ZBTB7C: variants seen among roughly 807,000 people sequenced by gnomAD.
ZBTB7C encodes the protein zinc finger and BTB domain-containing protein 7C.
A neutral mutation model predicts 25.7 loss-of-function variants in ZBTB7C; 8 were observed. The observed-to-expected ratio is 0.31, with a 90% CI of 0.18 to 0.56. The LOEUF is 0.56. ZBTB7C is among the 20% of genes least tolerant of loss of function. ZBTB7C has a pLI of 0.91. For synonymous variants in ZBTB7C, 394 were observed against 369.0 expected (o/e 1.07, Z -0.78); for missense variants, 824 against 855.2 (o/e 0.96, Z 0.46).
At chr18:48,196,128 G>A (rs754293847) in intron 2 of ZBTB7C, among the ~76,000 whole-genome samples, 13 of 152,142 alleles carry the variant, frequency 8.5e-5, no homozygotes, top group Non-Finnish European at 1.2e-4. Context: ...ACAGTTAATT[G>A]CAGTTTAGAG....
At chr18:48,335,335 A>G (rs930027495) in intron 2 of ZBTB7C, among the ~76,000 whole-genome samples, 14 of 152,232 alleles carry the variant, frequency 9.2e-5, no homozygotes, top group African/African-American at 3.1e-4. Context: ...TATTTTATTT[A>G]GTCCTCATAG....
chr18:48,065,081 C>T lies in ZBTB7C; in HGVS notation c.-16-23958G>A, dbSNP rs934072876. Among the ~76,000 whole-genome samples, 8 of 152,328 alleles carry T rather than the reference C, an allele frequency of 5.3e-5. No homozygotes were observed. The East Asian group carries it at 1.5e-3, about 29-fold the overall frequency. On this transcript the variant is annotated intron_variant, in intron 3 of 4. Transcript: ENST00000590800. ...TGGTAGGAAGCAGGACTCTGCCTCC[C>T]ACTGAGGAAGAGGGGCCTCCTTCCA...
intron 3 of ZBTB7C, among the ~76,000 whole-genome samples, chr18:48,112,809 G>A (rs1431125039): frequency 9.2e-5 from 14 of 152,200 alleles, no homozygotes. Flanking sequence ...CCTAACAGAG[G>A]ATTGAGGATC....
Position 48,401,908 on chromosome 18 carries a change from C to A in ZBTB7C, c.-304+7318G>T, listed in dbSNP as rs115284171. Among the ~76,000 whole-genome samples, 1,334 of 152,194 alleles carry A rather than the reference C, an allele frequency of 8.8e-3. 17 individuals are homozygous for A. The highest frequency in any genetic ancestry group is 0.03 in the African/African-American group (1,262 of 41,528). On this transcript the variant is annotated intron_variant, in intron 1 of 4. Transcript: ENST00000590800. ...AGTCAGAGAATCATTTCACAGTCAA[C>A]CGTCCCATCCTGCCAATTCATGCCC... is the stretch of plus-strand genomic sequence containing the variant.
Position 48,029,270 on chromosome 18 carries a change from G to A in ZBTB7C, c.1850C>T (p.Ala617Val). Residue 617 changes from alanine (A) to valine (V), a missense_variant, in exon 5 of 5, where the codon GCC becomes GTC. Physicochemically the swap from Ala to Val is moderately conservative, Grantham distance 64 (BLOSUM62 0). Around this residue, in one of 4 missense-constraint regions of ZBTB7C, gnomAD observed 342 missense variants for 307.0 expected, o/e 1.11. Transcript: ENST00000590800. ...GLNHVASMSE[A>V]NN is the part of the protein sequence containing the mutation. ...CCGACAGGGACCAGCCTAGTTGTTG[G>A]CTTCGGACATGGAGGCCACGTGGTT... is the stretch of plus-strand genomic sequence containing the variant. 6.5e-7 allele frequency: 1 copy of A among 1,538,024 alleles called. No homozygotes were observed. Among genetic ancestry groups the A allele is most frequent in the African/African-American group, 1.4e-5 (1 of 73,038 alleles).
chr18:48,216,529 G>GA (rs2145271374), intron 2 of ZBTB7C, among the ~76,000 whole-genome samples: 1 of 152,252 alleles, frequency 6.6e-6, no homozygotes, highest in South Asian at 2.1e-4. Flanking sequence ...CTCCCTGGGG[G>GA]GCGAAGGTGG....
intron 2 of ZBTB7C, among the ~76,000 whole-genome samples, chr18:48,207,029 GA>G (rs1182712439): frequency 1.3e-5 from 2 of 152,092 alleles, no homozygotes; most frequent in Non-Finnish European, 2.9e-5. Context: ...TAAAAAATAG[GA>G]AAATATTTGA....
intron 2 of ZBTB7C, among the ~76,000 whole-genome samples, chr18:48,250,555 T>A (rs1303855634): frequency 6.6e-6 from 1 of 152,010 alleles, no homozygotes; most frequent in African/African-American, 2.4e-5. Flanking sequence ...TCCACTGTGG[T>A]ATGTGCCCAT....
chr18:48,073,979 A>T (rs1446310367), intron 3 of ZBTB7C, among the ~76,000 whole-genome samples: 2 of 151,012 alleles, frequency 1.3e-5, no homozygotes, highest in Non-Finnish European at 3.0e-5. Context: ...GTGGGTATTC[A>T]GTCCTCATTA....
intron 2 of ZBTB7C, among the ~76,000 whole-genome samples, chr18:48,322,448 G>A (rs1042741617): frequency 2.0e-5 from 3 of 152,216 alleles, no homozygotes; most frequent in Non-Finnish European, 2.9e-5. Context: ...GCAATGTGAC[G>A]GGAGGCCTCA....
intron 1 of ZBTB7C, among the ~76,000 whole-genome samples, chr18:48,349,985 C>G (rs1319409486): frequency 2.0e-5 from 3 of 152,258 alleles, no homozygotes; most frequent in Admixed American, 2.0e-4. Context: ...CAGTCTGCTG[C>G]ACTGCACGGC....
At chr18:48,053,019 G>C (rs934959882) in intron 3 of ZBTB7C, among the ~76,000 whole-genome samples, 2 of 152,172 alleles carry the variant, frequency 1.3e-5, no homozygotes, top group African/African-American at 4.8e-5. Context: ...AGTTACACAG[G>C]AAAATACATG....
chr18:48,162,398 C>G (rs1230016924), intron 3 of ZBTB7C: 1 of 456,542 alleles, frequency 2.2e-6, no homozygotes, highest in Non-Finnish European at 4.4e-6. Context: ...GTTGTTGCAT[C>G]TGTAAAATTG....
intron 3 of ZBTB7C, among the ~76,000 whole-genome samples, chr18:48,145,147 C>T (rs1682022637): frequency 1.3e-5 from 2 of 152,110 alleles, no homozygotes; most frequent in Admixed American, 6.5e-5. Flanking sequence ...GACTGGAAAC[C>T]GTCTTCTGGA....
intron 1 of ZBTB7C, among the ~76,000 whole-genome samples, chr18:48,397,871 G>C (rs1226633791): frequency 6.6e-6 from 1 of 152,110 alleles, no homozygotes; most frequent in Non-Finnish European, 1.5e-5. Context: ...AACCTCACCC[G>C]GGACCAAAGA....
At chr18:48,179,484 G>T (rs981692671) in intron 3 of ZBTB7C, among the ~76,000 whole-genome samples, 1 of 152,108 alleles carries the variant, frequency 6.6e-6, no homozygotes, top group Non-Finnish European at 1.5e-5. Flanking sequence ...TCCCAGGGCT[G>T]GTGGGATCAG....
At chr18:48,368,656 G>A (rs1334772371) in intron 1 of ZBTB7C, among the ~76,000 whole-genome samples, 1 of 152,106 alleles carries the variant, frequency 6.6e-6, no homozygotes, top group African/African-American at 2.4e-5. Context: ...TCAAACTTCT[G>A]AAAATTAAAG....
chr18:48,301,039 G>C (rs1283870369), intron 2 of ZBTB7C, among the ~76,000 whole-genome samples: 1 of 152,242 alleles, frequency 6.6e-6, no homozygotes, highest in South Asian at 2.1e-4. Flanking sequence ...CTAGTTGTGA[G>C]TGAGGAATGC....
chr18:48,117,387 C>G (rs1242053003), intron 3 of ZBTB7C, among the ~76,000 whole-genome samples: 1 of 152,172 alleles, frequency 6.6e-6, no homozygotes, highest in Non-Finnish European at 1.5e-5. Flanking sequence ...AGGAGGTTCA[C>G]TTAATCTCAC....
Sources: allele counts gnomAD v4.1 joint callset (sites outside exome capture counted in the v4.1 genomes callset), GRCh38; gene constraint gnomAD v4.1.1; regional missense constraint gnomAD v4.1.1; transcripts MANE v1.5; gene names NCBI Gene and HGNC (gene_info 2026-07-23, HGNC 2026-07-21).